GID4: variants seen among roughly 807,000 people sequenced by gnomAD.
The protein encoded by GID4 is GID complex subunit 4 homolog.
A neutral mutation model predicts 32.4 loss-of-function variants in GID4; 7 were observed. That is an observed-to-expected ratio of 0.22 (90% confidence interval 0.12 to 0.41). The LOEUF (loss-of-function observed/expected upper bound fraction) is 0.41. GID4 is among the 10% of genes least tolerant of loss of function. The probability of loss-of-function intolerance (pLI) is 1.00; values close to 1 mark genes in which losing one functional copy is unlikely to be tolerated. For missense variants in GID4, 309 were observed against 400.0 expected, an observed-to-expected ratio of 0.77 and a Z score of 1.94; for synonymous variants, 166 against 170.0, an observed-to-expected ratio of 0.98 and a Z score of 0.18.
intron 2 of GID4, among the ~76,000 whole-genome samples, chr17:18,051,978 G>T (rs1199988410): frequency 6.6e-6 from 1 of 151,044 alleles, no homozygotes; most frequent in Non-Finnish European, 1.5e-5. Flanking sequence ...GGAGGCTGAG[G>T]CAGGAGAATC....
In GID4 at chr17:18,039,916, C is replaced by T. The variant is rs2044772238; in HGVS notation, c.438+14C>T. 3 of 1,369,618 alleles carry T rather than the reference C, an allele frequency of 2.2e-6. No homozygotes were observed. The highest frequency in any genetic ancestry group is 1.9e-5 in the South Asian group (1 of 51,522). 84.8% of individuals were successfully genotyped at this position (1,369,618 alleles called of 1,614,324 possible). A position where few individuals can be genotyped will look rare whatever the true frequency, so the allele number is the denominator to read the frequency against. The stretch of plus-strand genomic sequence containing the variant: ...GTGGTGCTGCAGGTGAGCGCCGGGC[C>T]GGGCCGGGGCCCGAGGGCCTCCTCG... On this transcript the variant is annotated intron_variant, in intron 1 of 5. Transcript: ENST00000268719. This position sits in a 1 kb window ranked among gnomAD's most constrained non-coding sequence, Gnocchi z 5.3.
chr17:18,050,361 T>C (rs1057465822), intron 2 of GID4, among the ~76,000 whole-genome samples: 21 of 152,348 alleles, frequency 1.4e-4, no homozygotes, highest in Middle Eastern at 3.4e-3. Context: ...ATTCTAGAAA[T>C]GTAAAGAATA....
chr17:18,045,757 G>T (rs2044846669), intron 2 of GID4, among the ~76,000 whole-genome samples: 1 of 151,862 alleles, frequency 6.6e-6, no homozygotes, highest in African/African-American at 2.4e-5. Flanking sequence ...AGCCGGGCAT[G>T]GTGGCACAGA....
intron 3 of GID4, among the ~76,000 whole-genome samples, chr17:18,055,123 A>G (rs1402358295): frequency 6.7e-6 from 1 of 149,274 alleles, no homozygotes; most frequent in Admixed American, 6.7e-5. Context: ...GTGAGCCGAG[A>G]TTGTGCCACT....
intron 2 of GID4, among the ~76,000 whole-genome samples, chr17:18,050,895 C>T (rs1422748538): frequency 6.6e-6 from 1 of 152,180 alleles, no homozygotes; most frequent in Non-Finnish European, 1.5e-5. Flanking sequence ...TTTTCGTCCG[C>T]TCTATAAATT....
At chr17:18,058,497 A>G (rs921625673) in intron 3 of GID4, among the ~76,000 whole-genome samples, 2 of 152,184 alleles carry the variant, frequency 1.3e-5, no homozygotes, top group African/African-American at 4.8e-5. Flanking sequence ...GCTGTTTTGC[A>G]TGGCTCTTTT....
At chr17:18,050,017 C>T (rs557165389) in intron 2 of GID4, among the ~76,000 whole-genome samples, 87 of 152,306 alleles carry the variant, frequency 5.7e-4, no homozygotes, top group Middle Eastern at 3.4e-3. Flanking sequence ...CTAAGGATAA[C>T]GGCCTCTAGC....
intron 5 of GID4, among the ~76,000 whole-genome samples, chr17:18,064,178 A>T (rs1052813462): frequency 2.0e-5 from 3 of 152,172 alleles, no homozygotes; most frequent in Admixed American, 2.0e-4. Flanking sequence ...TTGGACATAT[A>T]CCTAGGAGTG....
chr17:18,067,085 A>G lies in GID4; in HGVS notation c.*1842A>G, dbSNP rs573036200. ...CAAGCCCAGCTGCTGTCATGTGAGG[A>G]GATGCTCACTGTGGTCTTGTTGAGC... On this transcript the variant is annotated 3_prime_UTR_variant, in exon 6 of 6. Coordinates refer to ENST00000268719, the MANE Select transcript of GID4 (RefSeq NM_024052.5). 6.6e-6 allele frequency: 1 copy of G among 152,398 alleles called. No individual in the cohort carries two copies. Among genetic ancestry groups the G allele is most frequent in the African/African-American group, 2.4e-5 (1 of 41,582 alleles). 9.4% of individuals were successfully genotyped at this position (152,398 alleles called of 1,614,324 possible).
At chr17:18,060,795 G>A (rs1356494435) in intron 4 of GID4, among the ~76,000 whole-genome samples, 1 of 152,100 alleles carries the variant, frequency 6.6e-6, no homozygotes, top group African/African-American at 2.4e-5. Flanking sequence ...GTGCAATGGC[G>A]CGATCTCGGT....
intron 5 of GID4, among the ~76,000 whole-genome samples, chr17:18,063,161 C>T (rs2045031264): frequency 6.6e-6 from 1 of 151,220 alleles, no homozygotes; most frequent in Non-Finnish European, 1.5e-5. Context: ...CCTGTAATCC[C>T]AGCACTTTGG....
At position 18,067,997 on chromosome 17, in the gene GID4, G is replaced by A. The variant is rs944152850; in HGVS notation, c.*2754G>A. 2.0e-5 allele frequency: 3 copies of A among 152,594 alleles called. No homozygotes were observed. The highest frequency in any genetic ancestry group is 7.2e-5 in the African/African-American group (3 of 41,440). 9.5% of individuals were successfully genotyped at this position (152,594 alleles called of 1,614,324 possible). On this transcript the variant is annotated 3_prime_UTR_variant, in exon 6 of 6. Coordinates refer to ENST00000268719, the MANE Select transcript of GID4 (RefSeq NM_024052.5). The stretch of plus-strand genomic sequence containing the variant: ...ACTGTTAAGTAGGAAGTCAATCTGT[G>A]TGCTGGTTTTGTTGGTTATGTGGAA...
intron 3 of GID4, among the ~76,000 whole-genome samples, chr17:18,058,560 C>T (rs899315045): frequency 1.3e-5 from 2 of 152,166 alleles, no homozygotes; most frequent in African/African-American, 2.4e-5. Flanking sequence ...TCTTAGCTTT[C>T]GTCTGTTTAT....
intron 5 of GID4, among the ~76,000 whole-genome samples, chr17:18,064,286 T>G (rs950701634): frequency 6.6e-6 from 1 of 152,170 alleles, no homozygotes; most frequent in African/African-American, 2.4e-5. Flanking sequence ...CCTACCGGCA[T>G]GTATGAGGGT....
At chr17:18,056,817 C>A (rs2044971903) in intron 3 of GID4, 3 of 1,550,454 alleles carry the variant, frequency 1.9e-6, no homozygotes, top group Admixed American at 2.0e-5. Flanking sequence ...GTGGTTGAGC[C>A]AGGGAGCTGA....
chr17:18,053,830 T>C (rs1269010018), intron 2 of GID4, among the ~76,000 whole-genome samples: 2 of 152,204 alleles, frequency 1.3e-5, no homozygotes, highest in African/African-American at 4.8e-5. Context: ...ATTAAAAATT[T>C]ATTTGTGGAA....
chr17:18,044,921 T>C (rs1320119492), intron 1 of GID4, among the ~76,000 whole-genome samples: 1 of 152,198 alleles, frequency 6.6e-6, no homozygotes, highest in Non-Finnish European at 1.5e-5. Context: ...AGTCTCATGA[T>C]ATTCAGCTGA....
chr17:18,062,061 C>T (rs2142153860), intron 5 of GID4, 86 bp downstream of exon 5: 1 of 1,249,434 alleles, frequency 8.0e-7, no homozygotes, highest in South Asian at 1.2e-5. Flanking sequence ...AAAGCAACAT[C>T]TTAGCCTGTC....
chr17:18,044,401 G>A (rs1414320846), intron 1 of GID4, among the ~76,000 whole-genome samples: 2 of 152,202 alleles, frequency 1.3e-5, no homozygotes. Context: ...GCATCCGGCA[G>A]TGTCTCAGCA....
Sources: allele counts gnomAD v4.1 joint callset (sites outside exome capture counted in the v4.1 genomes callset), GRCh38; gene constraint gnomAD v4.1.1; non-coding constraint Gnocchi (gnomAD v3.1); transcripts MANE v1.5; gene names NCBI Gene and HGNC (gene_info 2026-07-23, HGNC 2026-07-21).